Variants in SERTAD2 observed in about 807,000 individuals in gnomAD.
The protein encoded by SERTAD2 is SERTA domain containing 2.
A neutral mutation model predicts 15.4 loss-of-function variants in SERTAD2; 2 were observed. The observed-to-expected ratio is 0.13, with a 90% CI of 0.05 to 0.41. The LOEUF (loss-of-function observed/expected upper bound fraction) is 0.41. Ranked by LOEUF, SERTAD2 falls within the 10% of genes least tolerant of loss-of-function variation. SERTAD2 has a pLI of 0.99. For missense variants in SERTAD2, 333 were observed against 409.7 expected, an observed-to-expected ratio of 0.81 and a Z score of 1.62; for synonymous variants, 180 against 178.0, an observed-to-expected ratio of 1.01 and a Z score of -0.09.
intron 1 of SERTAD2, among the ~76,000 whole-genome samples, chr2:64,640,458 C>A (rs1177462630): frequency 8.5e-6 from 1 of 116,960 alleles, no homozygotes; most frequent in Non-Finnish European, 1.9e-5. Flanking sequence ...CGGCCCAGCT[C>A]CTAGCTCCTC....
At chr2:64,640,174 A>G (rs997512046) in intron 1 of SERTAD2, among the ~76,000 whole-genome samples, 5 of 152,222 alleles carry the variant, frequency 3.3e-5, no homozygotes, top group African/African-American at 9.6e-5. Flanking sequence ...ACAATGCAAC[A>G]TAATAAAAAG....
intron 1 of SERTAD2, among the ~76,000 whole-genome samples, chr2:64,642,973 T>C (rs1674808875): frequency 6.6e-6 from 1 of 152,178 alleles, no homozygotes; most frequent in Non-Finnish European, 1.5e-5. Context: ...AAAATGACTT[T>C]AAAAGGGGGT....
At chr2:64,648,964 G>T (rs1350833698) in intron 1 of SERTAD2, among the ~76,000 whole-genome samples, 1 of 152,112 alleles carries the variant, frequency 6.6e-6, no homozygotes, top group Non-Finnish European at 1.5e-5. Context: ...AGGCAGATTG[G>T]TTTTCTCTGA....
chr2:64,638,055 G>C (rs1221568915), intron 1 of SERTAD2, among the ~76,000 whole-genome samples: 4 of 152,210 alleles, frequency 2.6e-5, no homozygotes. Flanking sequence ...GTTCGGACCA[G>C]GATCGTGGTT....
chr2:64,637,597 A>G (rs1674688065), intron 1 of SERTAD2, among the ~76,000 whole-genome samples: 2 of 152,244 alleles, frequency 1.3e-5, no homozygotes, highest in Non-Finnish European at 2.9e-5. Context: ...ACACACAGTT[A>G]TGTTTGAAGA....
At position 64,636,474 on chromosome 2, in the gene SERTAD2, G is replaced by A; in HGVS notation, c.398C>T (p.Ala133Val). 6.2e-7 allele frequency: 1 copy of A among 1,614,002 alleles called. No individual in the cohort carries two copies. The highest frequency in any genetic ancestry group is 2.2e-5 in the East Asian group (1 of 44,878). The change falls in exon 2 of 2, where the codon GCC (alanine) becomes GTC (valine). Residue 133 changes from alanine (A) to valine (V), a missense_variant. Physicochemically the swap from Ala to Val is moderately conservative, Grantham distance 64. This residue lies in a region of SERTAD2 where 332 missense variants were observed against 392.9 expected (regional missense o/e 0.84). Coordinates refer to ENST00000313349, the MANE Select transcript of SERTAD2 (RefSeq NM_014755.3). ...GTCATCGTCGTCCTCGAGCAGTGAG[G>A]CCGGGGTGAGGCAGGCCTCCAGGGG... ...TTPLEACLTP[A>V]SLLEDDDDTF...
At chr2:64,650,466 A>T (rs1039585625) in intron 1 of SERTAD2, among the ~76,000 whole-genome samples, 55 of 152,184 alleles carry the variant, frequency 3.6e-4, no homozygotes, top group African/African-American at 1.3e-3. Context: ...ATGAACTGCC[A>T]CACAGTGCTA....
rs1259135430 is a variant in SERTAD2 at position 64,636,938 on chromosome 2, AAG to A, written c.-4-65_-4-64del. 3.3e-6 allele frequency: 4 copies of A among 1,230,730 alleles called. No homozygotes were observed. The Admixed American group carries it at 8.5e-5, about 26-fold the overall frequency. 76.2% of individuals were successfully genotyped at this position (1,230,730 alleles called of 1,614,324 possible). A position where few individuals can be genotyped will look rare whatever the true frequency, so the allele number is the denominator to read the frequency against. On this transcript the variant is annotated intron_variant, in intron 1 of 1. Coordinates refer to ENST00000313349, the MANE Select transcript of SERTAD2 (RefSeq NM_014755.3). ...TGAAAGCTGATTTCTCCCATAAAAA[AAG>A]AGACTGATTTAGAGGGCAGGACTTG...
In SERTAD2 at chr2:64,633,943, C is replaced by T. The variant is rs920600274; in HGVS notation, c.*1984G>A. 5 of 152,630 alleles carry T rather than the reference C, an allele frequency of 3.3e-5. No homozygotes were observed. The highest frequency in any genetic ancestry group is 7.2e-5 in the African/African-American group (3 of 41,446). 9.5% of individuals were successfully genotyped at this position (152,630 alleles called of 1,614,324 possible). On this transcript the variant is annotated 3_prime_UTR_variant, in exon 2 of 2. Coordinates refer to ENST00000313349, the MANE Select transcript of SERTAD2 (RefSeq NM_014755.3). ...AGATGAGCAGTTCCTTCATCACAAACGTCTTTGCTTTGCCATGTGCATTAC... is the reference window on the plus strand; with the variant it reads ...AGATGAGCAGTTCCTTCATCACAAATGTCTTTGCTTTGCCATGTGCATTAC...
Position 64,640,978 on chromosome 2 carries a change from A to T in SERTAD2, c.-4-4103T>A, listed in dbSNP as rs1224359293. Among the ~76,000 whole-genome samples the T allele has an allele frequency of 2.0e-5, 3 of 152,186 alleles. No individual in the cohort carries two copies. In the East Asian group the frequency reaches 5.8e-4, roughly 29 times the overall value. On this transcript the variant is annotated intron_variant, in intron 1 of 1. Coordinates refer to ENST00000313349, the MANE Select transcript of SERTAD2 (RefSeq NM_014755.3). ...ATCAAATGACCTCCCTCCCCAATAA[A>T]CTTTTTAGAAACAAATTCCTAGCAT...
rs372306316 is a variant in SERTAD2 at position 64,636,308 on chromosome 2, C to A, written c.564G>T (p.Ala188=). 2.5e-5 allele frequency: 41 copies of A among 1,614,170 alleles called. 1 individual carries two copies. In the South Asian group the frequency reaches 3.7e-4, roughly 15 times the overall value. Residue 188 remains alanine, a synonymous_variant, in exon 2 of 2, where the codon GCG becomes GCT. Coordinates refer to ENST00000313349, the MANE Select transcript of SERTAD2 (RefSeq NM_014755.3). ...TCACACTGTCAGTCGCAGCCGTGGC[C>A]GCCTCTGTGGAGGTAGATGTGGGAC... The part of the protein sequence containing the change: ...ELCPTSTSTE[A]ATAATDSVKG...
intron 1 of SERTAD2, among the ~76,000 whole-genome samples, chr2:64,638,376 T>C (rs1012803285): frequency 3.9e-5 from 6 of 152,216 alleles, no homozygotes; most frequent in African/African-American, 1.4e-4. Context: ...AAATAGCCCC[T>C]CCTACACCTG....
chr2:64,639,613 A>G (rs748299204), intron 1 of SERTAD2, among the ~76,000 whole-genome samples: 3 of 152,228 alleles, frequency 2.0e-5, no homozygotes, highest in Non-Finnish European at 4.4e-5. Context: ...TCATCAATGC[A>G]GAATTGTCTT....
rs1674606898 is a variant in SERTAD2, at chr2:64,634,387, A to T, written c.*1540T>A. On this transcript the variant is annotated 3_prime_UTR_variant, in exon 2 of 2. Transcript: ENST00000313349. ...TGGGAGATAAGGTGATGGGGGGGGG[A>T]ATTGGGGGGAGGAGGGAAAACATGC... 1 of 66,006 alleles carries T rather than the reference A, an allele frequency of 1.5e-5. No homozygotes were observed. Among genetic ancestry groups the T allele is most frequent in the East Asian group, 4.9e-4 (1 of 2,050 alleles). The allele number at this position is 66,006 out of a possible 1,614,324, so 4.1% of individuals were successfully genotyped here. A position where few individuals can be genotyped will look rare whatever the true frequency, so the allele number is the denominator to read the frequency against.
chr2:64,652,315 G>A lies in SERTAD2; in HGVS notation c.-5+1305C>T, dbSNP rs572704356. Among the ~76,000 whole-genome samples the A allele has an allele frequency of 6.6e-5, 10 of 152,242 alleles. No individual in the cohort carries two copies. In the South Asian group the frequency reaches 1.9e-3, roughly 28 times the overall value. On this transcript the variant is annotated intron_variant, in intron 1 of 1. Transcript: ENST00000313349. ...GCTGCCAGGGTGAGACATGCCTTCT[G>A]CTGAGCTGAGCAACTACCCCCAACC... is the stretch of plus-strand genomic sequence containing the variant.
chr2:64,642,723 G>C (rs945756235), intron 1 of SERTAD2, among the ~76,000 whole-genome samples: 2 of 152,170 alleles, frequency 1.3e-5, no homozygotes, highest in Admixed American at 6.5e-5. Flanking sequence ...CCCTGGGTTG[G>C]GGGGGCAGGG....
In SERTAD2 at chr2:64,633,144, G is replaced by C. The variant is rs528311523; in HGVS notation, c.*2783C>G. 6.6e-6 allele frequency: 1 copy of C among 152,358 alleles called. No homozygotes were observed. The highest frequency in any genetic ancestry group is 2.4e-5 in the African/African-American group (1 of 41,562). The allele number at this position is 152,358 out of a possible 1,614,324, so 9.4% of individuals were successfully genotyped here. A position where few individuals can be genotyped will look rare whatever the true frequency, so the allele number is the denominator to read the frequency against. ...CTGTTCCCTGTTGGGACATCACTTT[G>C]TAAGAATAGGATGCAAAAGCAATTA... On this transcript the variant is annotated 3_prime_UTR_variant, in exon 2 of 2. Coordinates refer to ENST00000313349, the MANE Select transcript of SERTAD2 (RefSeq NM_014755.3).
At position 64,635,792 on chromosome 2, in the gene SERTAD2, C is replaced by T; in HGVS notation, c.*135G>A. 1.5e-6 allele frequency: 1 copy of T among 684,934 alleles called. No individual in the cohort carries two copies. The highest frequency in any genetic ancestry group is 2.5e-6 in the Non-Finnish European group (1 of 400,668). The allele number at this position is 684,934 out of a possible 1,614,324, so 42.4% of individuals were successfully genotyped here. ...ACTCCAACTCTGCTCAAAGCAAAAA[C>T]TAGTGTGATCCTGTTGTAAAATTTT... is the stretch of plus-strand genomic sequence containing the variant. On this transcript the variant is annotated 3_prime_UTR_variant, in exon 2 of 2. Transcript: ENST00000313349.
chr2:64,653,553 GC>G lies in SERTAD2; in HGVS notation c.-5+66del, dbSNP rs1008063083. The G allele has an allele frequency of 5.2e-5, 8 of 152,760 alleles. No individual in the cohort carries two copies. The East Asian group carries it at 9.7e-4, about 19-fold the overall frequency. The allele number at this position is 152,760 out of a possible 1,614,324, so 9.5% of individuals were successfully genotyped here. On this transcript the variant is annotated intron_variant, in intron 1 of 1. Transcript: ENST00000313349. ...CAGCCCTGGCCGAGTCCCAACACCG[GC>G]CCCCCATCCACCCGGAGCCCCCCGC... is the stretch of plus-strand genomic sequence containing the variant.
Sources: gnomAD v4.1 joint callset for allele counts (sites outside exome capture counted in the v4.1 genomes callset) on GRCh38, gnomAD v4.1.1 for gene constraint, gnomAD v4.1.1 regional missense constraint, MANE v1.5 for transcripts, NCBI Gene and HGNC (gene_info 2026-07-23, HGNC 2026-07-21) for gene names.